Variants in MED12L observed in about 807,000 individuals in gnomAD.
The protein encoded by MED12L is mediator complex subunit 12L, also known as mediator of RNA polymerase II transcription subunit 12-like protein.
MED12L carries 60 observed loss-of-function variants against 281.3 expected under a neutral mutation model. The observed-to-expected ratio is 0.21, with a 90% CI of 0.17 to 0.26. MED12L has a LOEUF of 0.26. MED12L is among the 10% of genes least tolerant of loss of function. The pLI, the probability that MED12L is intolerant of heterozygous loss-of-function variation, is 1.00. For synonymous variants in MED12L, 974 were observed against 987.2 expected (o/e 0.99, Z 0.25); for missense variants, 2,146 against 2,680.9 (o/e 0.80, Z 4.41).
In MED12L at chr3:151,188,446, G is replaced by T. The variant is rs774707439; in HGVS notation, c.1719G>T (p.Leu573=). ...GSSLPVFQNV[L]LRFLDTQAPS... ...GTTTGCCTGTTTTCCAGAATGTGCT[G>T]TTAAGGTTTTTAGATACACAGGCCC... Residue 573 remains leucine (L), a synonymous_variant, in exon 13 of 45, where the codon CTG becomes CTT. Transcript: ENST00000687756. 13 of 1,613,444 alleles carry T rather than the reference G, an allele frequency of 8.1e-6. No homozygotes were observed. The South Asian group carries it at 1.4e-4, about 18-fold the overall frequency.
intron 25 of MED12L, among the ~76,000 whole-genome samples, chr3:151,369,055 C>G (rs1362663036): frequency 1.3e-5 from 2 of 152,118 alleles, no homozygotes; most frequent in Non-Finnish European, 2.9e-5. Flanking sequence ...GCCACCGCAC[C>G]CATCCCTCAT....
chr3:151,251,855 C>A (rs1183274232), intron 16 of MED12L, among the ~76,000 whole-genome samples: 1 of 152,208 alleles, frequency 6.6e-6, no homozygotes, highest in Non-Finnish European at 1.5e-5. Flanking sequence ...ATTATATCCA[C>A]ATGCCACCTG....
At chr3:151,419,160 T>C (rs1717963775) in intron 43 of MED12L, among the ~76,000 whole-genome samples, 1 of 152,240 alleles carries the variant, frequency 6.6e-6, no homozygotes, top group Non-Finnish European at 1.5e-5. Context: ...TTTTTCTTAC[T>C]CTTATGTTTC....
intron 16 of MED12L, among the ~76,000 whole-genome samples, chr3:151,333,037 G>A (rs758349899): frequency 6.6e-5 from 10 of 152,084 alleles, no homozygotes; most frequent in Non-Finnish European, 1.2e-4. Context: ...TAGAATAATG[G>A]CCTCCAGCTT....
chr3:151,377,945 T>G (rs1014198352), intron 30 of MED12L, 67 bp from the exon 31 acceptor site: 3 of 1,423,056 alleles, frequency 2.1e-6, no homozygotes, highest in Admixed American at 2.4e-5. Context: ...CTTTGGAGTT[T>G]CTGTTATAAC....
At chr3:151,146,053 A>G (rs1039015560) in intron 5 of MED12L, among the ~76,000 whole-genome samples, 3 of 152,166 alleles carry the variant, frequency 2.0e-5, no homozygotes, top group Non-Finnish European at 2.9e-5. Flanking sequence ...GTGATAAAAA[A>G]CCAAACTCCA....
chr3:151,199,240 C>T lies in MED12L; in HGVS notation c.2250+5574C>T, dbSNP rs1431128757. 4 of 1,613,796 alleles carry T rather than the reference C, an allele frequency of 2.5e-6. No individual in the cohort carries two copies. In the South Asian group the frequency reaches 3.3e-5, roughly 13 times the overall value. On this transcript the variant is annotated intron_variant, in intron 16 of 44. Transcript: ENST00000687756. ...TAAGCAAATTAATTAAGTAGATGCT[C>T]ACACACCTGTGATTCGTATTCTTCT...
At chr3:151,229,817 A>G (rs1044272761) in intron 16 of MED12L, among the ~76,000 whole-genome samples, 1 of 152,102 alleles carries the variant, frequency 6.6e-6, no homozygotes, top group Non-Finnish European at 1.5e-5. Flanking sequence ...GCATGCAACA[A>G]TGGAGCAACT....
chr3:151,156,255 C>T lies in MED12L; in HGVS notation c.651C>T (p.Val217=). The T allele has an allele frequency of 1.2e-6, 2 of 1,613,368 alleles. No homozygotes were observed. Among genetic ancestry groups the T allele is most frequent in the South Asian group, 1.1e-5 (1 of 90,848 alleles). Residue 217 remains valine, a synonymous_variant, in exon 6 of 45, where the codon GTC becomes GTT. Coordinates refer to ENST00000687756, the MANE Select transcript of MED12L (RefSeq NM_001393769.1). The part of the protein sequence containing the change: ...HMASSTGDGP[V]PVPPEVEQAM... ...CCTCCAGCACGGGCGATGGCCCTGT[C>T]CCTGTGCCACCAGAGGTGGAGCAAG...
intron 11 of MED12L, among the ~76,000 whole-genome samples, chr3:151,169,643 AT>A (rs1721176816): frequency 6.6e-6 from 1 of 152,206 alleles, no homozygotes; most frequent in Admixed American, 6.5e-5. Flanking sequence ...TGTTTTAAAA[AT>A]TGTTAACAAT....
chr3:151,391,422 T>G (rs1277198427), intron 38 of MED12L, among the ~76,000 whole-genome samples: 1 of 152,124 alleles, frequency 6.6e-6, no homozygotes, highest in African/African-American at 2.4e-5. Flanking sequence ...ACTAACCTGT[T>G]TTAAATTGTA....
At chr3:151,376,528 A>G (rs1306796033) in intron 28 of MED12L, among the ~76,000 whole-genome samples, 2 of 152,188 alleles carry the variant, frequency 1.3e-5, no homozygotes, top group African/African-American at 4.8e-5. Context: ...GGATTGGTTA[A>G]ATAGATTTTG....
chr3:151,096,497 G>A (rs989030001), intron 2 of MED12L, among the ~76,000 whole-genome samples: 3 of 152,072 alleles, frequency 2.0e-5, no homozygotes, highest in African/African-American at 7.2e-5. Flanking sequence ...TGTCCATTAG[G>A]CAGTGCATTC....
chr3:151,323,873 C>G (rs1488881969), intron 16 of MED12L, among the ~76,000 whole-genome samples: 4 of 152,188 alleles, frequency 2.6e-5, no homozygotes, highest in African/African-American at 9.7e-5. Flanking sequence ...TGGAGGGACC[C>G]CTGAAGTAAT....
intron 30 of MED12L, 46 bp downstream of exon 30, chr3:151,377,224 A>G: frequency 6.6e-7 from 1 of 1,517,064 alleles, no homozygotes. Context: ...ATTTTTCACA[A>G]GTAACGGTAA....
At chr3:151,148,381 T>G (rs551404811) in intron 5 of MED12L, among the ~76,000 whole-genome samples, 4 of 152,362 alleles carry the variant, frequency 2.6e-5, no homozygotes, top group African/African-American at 9.6e-5. Context: ...GGAAAATCTT[T>G]CAGCCATTCT....
intron 5 of MED12L, among the ~76,000 whole-genome samples, chr3:151,128,311 T>TA (rs1363786061): frequency 6.6e-6 from 1 of 152,242 alleles, no homozygotes; most frequent in Non-Finnish European, 1.5e-5. Context: ...TCTCTGCTGT[T>TA]ACTTTTGCTC....
chr3:151,233,863 G>GT (rs1381102178), intron 16 of MED12L, among the ~76,000 whole-genome samples: 4 of 152,330 alleles, frequency 2.6e-5, no homozygotes, highest in African/African-American at 9.6e-5. Flanking sequence ...TGAATTGTGT[G>GT]TTTTTTATTT....
At chr3:151,226,762 C>A (rs1730577673) in intron 16 of MED12L, among the ~76,000 whole-genome samples, 1 of 152,132 alleles carries the variant, frequency 6.6e-6, no homozygotes, top group Non-Finnish European at 1.5e-5. Context: ...AGAGAACCTC[C>A]TTTTGATTTG....
Sources: gnomAD v4.1 joint callset for allele counts (sites outside exome capture counted in the v4.1 genomes callset) on GRCh38, gnomAD v4.1.1 for gene constraint, MANE v1.5 for transcripts, NCBI Gene and HGNC (gene_info 2026-07-23, HGNC 2026-07-21) for gene names.